Variants in ACTL8 observed in about 807,000 individuals in gnomAD.
ACTL8 encodes the protein actin like 8, also known as actin-like protein 8.
In ACTL8, 3 loss-of-function variants were observed where a neutral mutation model predicts 9.3. That is an observed-to-expected ratio of 0.32 (90% confidence interval 0.15 to 0.83). The LOEUF (loss-of-function observed/expected upper bound fraction) is 0.83, where lower values mean the gene tolerates loss of function less well. ACTL8 is among the 40% of genes least tolerant of loss of function. The pLI is 0.57. For missense variants in ACTL8, 381 were observed against 492.2 expected, an observed-to-expected ratio of 0.77 and a Z score of 2.14; for synonymous variants, 224 against 205.9, an observed-to-expected ratio of 1.09 and a Z score of -0.75.
chr1:17,764,584 A>C (rs1472322512), intron 1 of ACTL8, among the ~76,000 whole-genome samples: 1 of 143,466 alleles, frequency 7.0e-6, no homozygotes, highest in Admixed American at 7.0e-5. Flanking sequence ...GCACCCCCCC[A>C]CAGCATCTCT....
chr1:17,774,997 G>A (rs1557430763), intron 1 of ACTL8, among the ~76,000 whole-genome samples: 1 of 152,156 alleles, frequency 6.6e-6, no homozygotes, highest in African/African-American at 2.4e-5. Flanking sequence ...ATCTAGGTGA[G>A]GAGAGAGAGG....
chr1:17,823,256 C>T lies in ACTL8; in HGVS notation c.248C>T (p.Ser83Leu), dbSNP rs2053680410. 2 of 1,614,020 alleles carry T rather than the reference C, an allele frequency of 1.2e-6. No homozygotes were observed. The highest frequency in any genetic ancestry group is 1.7e-6 in the Non-Finnish European group (2 of 1,180,040). ...LNWEGVQYLW[S>L]FVLENHRREQ... ...TGGGAGGGTGTGCAGTACCTCTGGTCATTTGTGTTGGAGAACCACAGACGG... is the reference window on the plus strand; with the variant it reads ...TGGGAGGGTGTGCAGTACCTCTGGTTATTTGTGTTGGAGAACCACAGACGG... Residue 83 changes from serine to leucine, a missense_variant, in exon 2 of 3, where the codon TCA becomes TTA. Ser to Leu is a moderately radical substitution (Grantham distance 145). Around this residue, in one of 3 missense-constraint regions of ACTL8, gnomAD observed 125 missense variants for 180.7 expected, o/e 0.69. Transcript: ENST00000375406. This position sits in a 1 kb window ranked among gnomAD's most constrained non-coding sequence, Gnocchi z 5.3.
Position 17,785,719 on chromosome 1 carries a change from T to C in ACTL8, c.-25+30215T>C, listed in dbSNP as rs557199053. Among the ~76,000 whole-genome samples the C allele has an allele frequency of 3.3e-5, 5 of 152,346 alleles. No individual in the cohort carries two copies. In the South Asian group the frequency reaches 8.3e-4, roughly 25 times the overall value. On this transcript the variant is annotated intron_variant, in intron 1 of 2. Coordinates refer to ENST00000375406, the MANE Select transcript of ACTL8 (RefSeq NM_030812.3). ...CACTTCTTACAGTTATTAGTATCTT[T>C]TTTTCACTCCACTCTTTTATTTCTT...
intron 1 of ACTL8, among the ~76,000 whole-genome samples, chr1:17,765,541 C>T (rs1386799294): frequency 1.3e-5 from 2 of 152,188 alleles, no homozygotes; most frequent in African/African-American, 4.8e-5. Flanking sequence ...CGTGCCCAAG[C>T]CCCTCTCCAT....
At chr1:17,779,393 T>C (rs1316356513) in intron 1 of ACTL8, among the ~76,000 whole-genome samples, 1 of 152,228 alleles carries the variant, frequency 6.6e-6, no homozygotes, top group East Asian at 1.9e-4. Context: ...CCGGGTTTGA[T>C]TGCTGCTTCC....
chr1:17,787,040 A>T (rs1557435166), intron 1 of ACTL8, among the ~76,000 whole-genome samples: 1 of 152,054 alleles, frequency 6.6e-6, no homozygotes, highest in Non-Finnish European at 1.5e-5. Flanking sequence ...TTACATTTAT[A>T]AAGTTCAGTA....
intron 1 of ACTL8, among the ~76,000 whole-genome samples, chr1:17,821,591 C>T (rs1028988776): frequency 6.6e-6 from 1 of 151,914 alleles, no homozygotes; most frequent in Non-Finnish European, 1.5e-5. Flanking sequence ...GGGCCTATTT[C>T]TGGACTTTCT....
At chr1:17,801,360 A>G (rs1022848231) in intron 1 of ACTL8, among the ~76,000 whole-genome samples, 3 of 152,242 alleles carry the variant, frequency 2.0e-5, no homozygotes, top group African/African-American at 7.2e-5. Context: ...GTAAAACAAG[A>G]TAACAAACTG....
chr1:17,782,422 A>T (rs1220514511), intron 1 of ACTL8, among the ~76,000 whole-genome samples: 1 of 152,172 alleles, frequency 6.6e-6, no homozygotes, highest in Admixed American at 6.5e-5. Flanking sequence ...TGTCCATGGT[A>T]GGAAAAAATG....
At position 17,779,412 on chromosome 1, in the gene ACTL8, T is replaced by C. The variant is rs185016243; in HGVS notation, c.-25+23908T>C. Among the ~76,000 whole-genome samples the C allele has an allele frequency of 6.4e-3, 975 of 152,298 alleles. 6 individuals carry two copies. Among genetic ancestry groups the C allele is most frequent in the Middle Eastern group, 0.01 (3 of 294 alleles). On this transcript the variant is annotated intron_variant, in intron 1 of 2. Transcript: ENST00000375406. ...GTTTGATTGCTGCTTCCCCACATTA[T>C]AGCTGTGTGAATTTGGGAAAATCCT...
At chr1:17,781,381 T>C (rs1219726853) in intron 1 of ACTL8, among the ~76,000 whole-genome samples, 1 of 151,956 alleles carries the variant, frequency 6.6e-6, no homozygotes, top group Non-Finnish European at 1.5e-5. Flanking sequence ...GCTGGGATTA[T>C]AGTGCCTGCC....
intron 1 of ACTL8, among the ~76,000 whole-genome samples, chr1:17,756,052 C>T (rs996134691): frequency 4.6e-5 from 7 of 151,834 alleles, no homozygotes; most frequent in Admixed American, 1.3e-4. Context: ...GGGACTCTAC[C>T]GCAGCCCTCA....
At position 17,823,058 on chromosome 1, in the gene ACTL8, C is replaced by T; in HGVS notation, c.50C>T (p.Ala17Val). ...GACCACGGGTCTGGCTTTTTGAAGG[C>T]TGGCACGGCCGGCTGGAATGAGCCT... ...IIDHGSGFLK[A>V]GTAGWNEPQM... The change falls in exon 2 of 3, where the codon GCT becomes GTT. Residue 17 changes from alanine (A) to valine (V), a missense_variant. Around this residue, in one of 3 missense-constraint regions of ACTL8, gnomAD observed 125 missense variants for 180.7 expected, o/e 0.69. Coordinates refer to ENST00000375406, the MANE Select transcript of ACTL8 (RefSeq NM_030812.3). This position sits in a 1 kb window ranked among gnomAD's most constrained non-coding sequence, Gnocchi z 5.3. The T allele has an allele frequency of 6.2e-7, 1 of 1,614,186 alleles. No individual in the cohort carries two copies. Among genetic ancestry groups the T allele is most frequent in the Non-Finnish European group, 8.5e-7 (1 of 1,180,036 alleles).
At chr1:17,796,601 C>T (rs61766676) in intron 1 of ACTL8, among the ~76,000 whole-genome samples, 2,998 of 152,302 alleles carry the variant, frequency 0.02, 51 homozygotes, top group Non-Finnish European at 0.03. Context: ...TTGCCCTCCA[C>T]CCCCTCTGGG....
intron 1 of ACTL8, among the ~76,000 whole-genome samples, chr1:17,779,322 G>A (rs756130671): frequency 9.9e-5 from 15 of 152,072 alleles, no homozygotes; most frequent in Non-Finnish European, 1.8e-4. Flanking sequence ...CTTGCATCTG[G>A]CTTGAGTCAG....
chr1:17,796,329 T>TGTGTG (rs1203928209), intron 1 of ACTL8, among the ~76,000 whole-genome samples: 1 of 138,670 alleles, frequency 7.2e-6, no homozygotes, highest in African/African-American at 2.7e-5. Flanking sequence ...TGTGTGTGTG[T>TGTGTG]GTGTGTGTAG....
intron 1 of ACTL8, among the ~76,000 whole-genome samples, chr1:17,790,823 C>G (rs2066233354): frequency 6.6e-6 from 1 of 152,244 alleles, no homozygotes; most frequent in African/African-American, 2.4e-5. Flanking sequence ...CCTTGGCTTC[C>G]CTCCTGTGCT....
At chr1:17,783,759 G>A (rs2066174982) in intron 1 of ACTL8, among the ~76,000 whole-genome samples, 1 of 152,216 alleles carries the variant, frequency 6.6e-6, no homozygotes, top group Non-Finnish European at 1.5e-5. Flanking sequence ...GTTTTCTGGG[G>A]AAAGCTTCTC....
rs183147027 is a variant in ACTL8, at chr1:17,763,519, G to A, written c.-25+8015G>A. ...TTTTCCCCACTTCTGCGGGACCCTC[G>A]GCCCCTCCCCGTGTCCCCTGCCTCC... On this transcript the variant is annotated intron_variant, in intron 1 of 2. Transcript: ENST00000375406. Among the ~76,000 whole-genome samples, 19 of 152,208 alleles carry A rather than the reference G, an allele frequency of 1.2e-4. No individual in the cohort carries two copies. In the East Asian group the frequency reaches 2.3e-3, roughly 19 times the overall value.
Sources: allele counts gnomAD v4.1 joint callset (sites outside exome capture counted in the v4.1 genomes callset), GRCh38; gene constraint gnomAD v4.1.1; regional missense constraint gnomAD v4.1.1; non-coding constraint Gnocchi (gnomAD v3.1); transcripts MANE v1.5; gene names NCBI Gene and HGNC (gene_info 2026-07-23, HGNC 2026-07-21).